Variants in RORA observed in about 807,000 individuals in gnomAD.
The protein encoded by RORA is RAR related orphan receptor A.
In RORA, 7 loss-of-function variants were observed where a neutral mutation model predicts 69.5. That is an observed-to-expected ratio of 0.10 (90% CI 0.06 to 0.19). RORA has a LOEUF of 0.19. Ranked by LOEUF, RORA falls within the 10% of genes least tolerant of loss-of-function variation. The pLI, the probability that RORA is intolerant of heterozygous loss-of-function variation, is 1.00. For synonymous variants in RORA, 261 were observed against 240.8 expected (o/e 1.08, Z -0.78); for missense variants, 457 against 663.0 (o/e 0.69, Z 3.41).
At chr15:60,943,074 C>T (rs1892748970) in intron 1 of RORA, among the ~76,000 whole-genome samples, 1 of 152,222 alleles carries the variant, frequency 6.6e-6, no homozygotes, top group Non-Finnish European at 1.5e-5. Flanking sequence ...AGTCAGGGTA[C>T]CTGTATCCAT....
chr15:60,622,739 G>A (rs890756244), intron 2 of RORA, among the ~76,000 whole-genome samples: 1 of 152,078 alleles, frequency 6.6e-6, no homozygotes, highest in African/African-American at 2.4e-5. Flanking sequence ...TTTTTGAGGT[G>A]CAGTCTCGCT....
chr15:60,841,928 G>A (rs1237897272), intron 1 of RORA, among the ~76,000 whole-genome samples: 2 of 152,198 alleles, frequency 1.3e-5, no homozygotes, highest in Non-Finnish European at 2.9e-5. Flanking sequence ...CGTGGGACCT[G>A]GGTCCAGTGA....
At chr15:60,894,331 T>C (rs938350010) in intron 1 of RORA, among the ~76,000 whole-genome samples, 3 of 152,222 alleles carry the variant, frequency 2.0e-5, no homozygotes, top group Non-Finnish European at 2.9e-5. Flanking sequence ...TTGTACACTT[T>C]CGTGAAAAGT....
At chr15:61,093,274 A>G (rs1016304786) in intron 1 of RORA, among the ~76,000 whole-genome samples, 12 of 152,184 alleles carry the variant, frequency 7.9e-5, no homozygotes, top group African/African-American at 2.7e-4. Context: ...CTGTGTTCCT[A>G]CCAATATGAA....
chr15:61,098,015 A>C (rs987762312), intron 1 of RORA, among the ~76,000 whole-genome samples: 1 of 151,450 alleles, frequency 6.6e-6, no homozygotes, highest in Non-Finnish European at 1.5e-5. Flanking sequence ...TGCTATTCCT[A>C]TCTCTCCATC....
intron 2 of RORA, among the ~76,000 whole-genome samples, chr15:60,608,445 G>C (rs960483970): frequency 6.6e-6 from 1 of 152,200 alleles, no homozygotes; most frequent in East Asian, 1.9e-4. Flanking sequence ...GATAGGGTAA[G>C]TGAAGCTCAA....
chr15:61,003,267 C>T (rs1894804264), intron 1 of RORA, among the ~76,000 whole-genome samples: 1 of 151,964 alleles, frequency 6.6e-6, no homozygotes, highest in Non-Finnish European at 1.5e-5. Context: ...AACAATTAAC[C>T]GTTATAAGAA....
intron 1 of RORA, among the ~76,000 whole-genome samples, chr15:60,762,136 C>T (rs781487929): frequency 2.0e-5 from 3 of 152,146 alleles, no homozygotes; most frequent in Non-Finnish European, 4.4e-5. Flanking sequence ...GAATAAAATG[C>T]AGCTGGCTTT....
Position 60,678,362 on chromosome 15 carries a change from T to C in RORA, c.196+295A>G, listed in dbSNP as rs564212517. 7 of 301,912 alleles carry C rather than the reference T, an allele frequency of 2.3e-5. No homozygotes were observed. The East Asian group carries it at 4.7e-4, about 20-fold the overall frequency. 18.7% of individuals were successfully genotyped at this position (301,912 alleles called of 1,614,324 possible). On this transcript the variant is annotated intron_variant, in intron 2 of 10. Coordinates refer to ENST00000335670, the MANE Select transcript of RORA (RefSeq NM_134261.3). ...TTCTAAGAAGGATCTAGGATAAGGG[T>C]GATCAGTAAGTAATTGATCCTCCTG...
chr15:60,804,913 C>T (rs1388080109), intron 1 of RORA, among the ~76,000 whole-genome samples: 1 of 152,162 alleles, frequency 6.6e-6, no homozygotes, highest in East Asian at 1.9e-4. Context: ...CACATTTGTT[C>T]ATTGTTCTTT....
intron 1 of RORA, among the ~76,000 whole-genome samples, chr15:60,731,194 A>G (rs1048278542): frequency 5.3e-5 from 8 of 152,212 alleles, no homozygotes; most frequent in Non-Finnish European, 8.8e-5. Context: ...GATGGTGGAT[A>G]AGGTCATTTA....
At chr15:61,228,329 G>A (rs1379430821) in intron 1 of RORA, among the ~76,000 whole-genome samples, 1 of 151,526 alleles carries the variant, frequency 6.6e-6, no homozygotes, top group Non-Finnish European at 1.5e-5. Flanking sequence ...CGAACCCCCG[G>A]TCTGCAAACT....
chr15:60,636,010 A>T (rs2069832434), intron 2 of RORA, among the ~76,000 whole-genome samples: 1 of 152,250 alleles, frequency 6.6e-6, no homozygotes, highest in South Asian at 2.1e-4. Flanking sequence ...TGGAGTCTGT[A>T]AGACTTGCCA....
chr15:60,991,547 C>G (rs1450091055), intron 1 of RORA, among the ~76,000 whole-genome samples: 2 of 97,744 alleles, frequency 2.0e-5, no homozygotes. Context: ...AAAAAAATGG[C>G]TCAAAAGATG....
rs150062736 is a variant in RORA, at chr15:60,723,704, A to C, written c.167-45018T>G. Reference sequence around the variant, plus strand: ...CACAACTCCATCCATCCATCCTGCCATCCACACATCCATTTATTCATCTAT... The same window carrying C: ...CACAACTCCATCCATCCATCCTGCCCTCCACACATCCATTTATTCATCTAT... On this transcript the variant is annotated intron_variant, in intron 1 of 10. Coordinates refer to ENST00000335670, the MANE Select transcript of RORA (RefSeq NM_134261.3). Among the ~76,000 whole-genome samples the C allele has an allele frequency of 4.2e-3, 637 of 152,300 alleles. 4 individuals carry two copies. Among genetic ancestry groups the C allele is most frequent in the Admixed American group, 7.4e-3 (113 of 15,304 alleles).
At chr15:60,536,908 T>G (rs1038247772) in intron 2 of RORA, among the ~76,000 whole-genome samples, 1 of 152,262 alleles carries the variant, frequency 6.6e-6, no homozygotes, top group East Asian at 1.9e-4. Flanking sequence ...TGGAGGACTT[T>G]TCACTTGCTA....
At chr15:61,148,209 G>A (rs941281795) in intron 1 of RORA, among the ~76,000 whole-genome samples, 2 of 152,216 alleles carry the variant, frequency 1.3e-5, no homozygotes. Context: ...TGATGTGGAA[G>A]GAGATGCTGG....
At chr15:60,972,230 G>A (rs774870574) in intron 1 of RORA, among the ~76,000 whole-genome samples, 7 of 152,208 alleles carry the variant, frequency 4.6e-5, no homozygotes, top group African/African-American at 9.7e-5. Flanking sequence ...ACCATCAAGA[G>A]CCACTTGGAG....
chr15:60,735,313 G>A (rs2140841976), intron 1 of RORA, among the ~76,000 whole-genome samples: 1 of 152,322 alleles, frequency 6.6e-6, no homozygotes, highest in East Asian at 1.9e-4. Context: ...CATAGCTGCT[G>A]TATAAAAGGT....
Sources: allele counts gnomAD v4.1 joint callset (sites outside exome capture counted in the v4.1 genomes callset), GRCh38; gene constraint gnomAD v4.1.1; transcripts MANE v1.5; gene names NCBI Gene and HGNC (gene_info 2026-07-23, HGNC 2026-07-21).